PTPRD: variants seen among roughly 807,000 people sequenced by gnomAD.
The protein encoded by PTPRD is receptor-type tyrosine-protein phosphatase delta.
A neutral mutation model predicts 214.5 loss-of-function variants in PTPRD; 34 were observed. The observed-to-expected ratio is 0.16, with a 90% CI of 0.12 to 0.21. PTPRD has a LOEUF of 0.21. PTPRD is among the 10% of genes least tolerant of loss of function. PTPRD has a pLI of 1.00. For synonymous variants in PTPRD, 1,128 were observed against 845.7 expected (o/e 1.33, Z -5.79); for missense variants, 2,545 against 2,398.7 (o/e 1.06, Z -1.27).
chr9:9,343,100 T>C (rs1408184319), intron 9 of PTPRD, among the ~76,000 whole-genome samples: 1 of 152,218 alleles, frequency 6.6e-6, no homozygotes, highest in Non-Finnish European at 1.5e-5. Context: ...CCATGATGTA[T>C]ATGTGCCACA....
chr9:9,298,056 C>A (rs961093653), intron 9 of PTPRD, among the ~76,000 whole-genome samples: 2 of 151,550 alleles, frequency 1.3e-5, no homozygotes, highest in African/African-American at 4.8e-5. Context: ...ATGTGAGAGA[C>A]AATGGATGGG....
intron 9 of PTPRD, among the ~76,000 whole-genome samples, chr9:9,263,414 T>A (rs754510106): frequency 2.6e-5 from 4 of 151,716 alleles, no homozygotes; most frequent in Non-Finnish European, 5.9e-5. Context: ...TGAACGATGA[T>A]AGTACATTTC....
intron 5 of PTPRD, among the ~76,000 whole-genome samples, chr9:9,774,836 G>T (rs1463934320): frequency 6.6e-6 from 1 of 152,168 alleles, no homozygotes. Flanking sequence ...CTCCAGGAGG[G>T]TTAATCGTTA....
intron 14 of PTPRD, among the ~76,000 whole-genome samples, chr9:8,557,819 C>A (rs992258244): frequency 6.9e-6 from 1 of 145,600 alleles, no homozygotes; most frequent in Non-Finnish European, 1.5e-5. Flanking sequence ...TATATACACA[C>A]ACACATATGC....
chr9:10,262,178 A>G (rs1202915735), intron 3 of PTPRD, among the ~76,000 whole-genome samples: 2 of 152,042 alleles, frequency 1.3e-5, no homozygotes, highest in African/African-American at 4.8e-5. Context: ...AAATTAAAAG[A>G]AAAATTAAAA....
intron 3 of PTPRD, among the ~76,000 whole-genome samples, chr9:10,070,014 A>C (rs1316607354): frequency 2.0e-5 from 3 of 152,000 alleles, no homozygotes; most frequent in Admixed American, 6.6e-5. Flanking sequence ...TTGGGGTGAA[A>C]CCAAGACCTA....
At chr9:8,477,619 C>T (rs2096791271) in intron 30 of PTPRD, among the ~76,000 whole-genome samples, 1 of 152,156 alleles carries the variant, frequency 6.6e-6, no homozygotes. Context: ...GCGTAAGCCT[C>T]CTGGCTTTAC....
intron 9 of PTPRD, among the ~76,000 whole-genome samples, chr9:9,382,420 C>T (rs1295479534): frequency 1.3e-5 from 2 of 151,898 alleles, no homozygotes; most frequent in African/African-American, 4.8e-5. Context: ...TGTTTGCAAA[C>T]CATATATATG....
intron 2 of PTPRD, among the ~76,000 whole-genome samples, chr9:10,545,153 G>A (rs2059926703): frequency 6.6e-6 from 1 of 152,184 alleles, no homozygotes; most frequent in South Asian, 2.1e-4. Flanking sequence ...GGTTTCTATG[G>A]AGCCCCTCTT....
chr9:8,335,498 T>G (rs7854665), intron 43 of PTPRD, among the ~76,000 whole-genome samples: 21,513 of 152,068 alleles, frequency 0.14, 1,962 homozygotes, highest in East Asian at 0.35. Context: ...TATCTCAAAA[T>G]AAGAAGAGCT....
At chr9:8,426,452 G>A (rs1050765124) in intron 35 of PTPRD, among the ~76,000 whole-genome samples, 1 of 152,174 alleles carries the variant, frequency 6.6e-6, no homozygotes, top group Non-Finnish European at 1.5e-5. Flanking sequence ...TCAATAAAGA[G>A]TGTCTTTTTT....
chr9:10,091,837 A>G (rs967840447), intron 3 of PTPRD, among the ~76,000 whole-genome samples: 1 of 151,466 alleles, frequency 6.6e-6, no homozygotes, highest in African/African-American at 2.4e-5. Flanking sequence ...ATCATCATTA[A>G]GAAACAAGTT....
intron 3 of PTPRD, among the ~76,000 whole-genome samples, chr9:10,135,363 C>CA (rs1364665101): frequency 6.6e-6 from 1 of 151,986 alleles, no homozygotes. Flanking sequence ...TATGCAAATT[C>CA]AAAAAATACA....
At chr9:8,951,320 CTT>C (rs35028756) in intron 11 of PTPRD, among the ~76,000 whole-genome samples, 124 of 128,352 alleles carry the variant, frequency 9.7e-4, no homozygotes, top group South Asian at 2.9e-3. Context: ...CTGGATCCTC[CTT>C]TTTTTTTTTT....
rs1438326808 is a variant in PTPRD, at chr9:10,178,486, C to T, written c.-544-144696G>A. On this transcript the variant is annotated intron_variant, in intron 3 of 45. Transcript: ENST00000381196. ...GTAGGAAAGGATAAAAATATTTGAA[C>T]GCCTTCCAGGTGATAAAAGAGAAAA... Among the ~76,000 whole-genome samples the T allele has an allele frequency of 5.9e-5, 9 of 151,922 alleles. No individual in the cohort carries two copies. The South Asian group carries it at 1.2e-3, about 21-fold the overall frequency.
At chr9:8,965,610 T>A (rs1331455310) in intron 11 of PTPRD, among the ~76,000 whole-genome samples, 1 of 152,100 alleles carries the variant, frequency 6.6e-6, no homozygotes, top group Admixed American at 6.6e-5. Context: ...CTTTTTGCTG[T>A]TGTTGGTTTA....
chr9:8,884,657 A>G (rs373558034), intron 11 of PTPRD, among the ~76,000 whole-genome samples: 49 of 152,338 alleles, frequency 3.2e-4, no homozygotes, highest in African/African-American at 1.2e-3. Context: ...CTTCTGAAAG[A>G]TAGTAAGCAA....
At chr9:10,163,534 C>T (rs1235429950) in intron 3 of PTPRD, among the ~76,000 whole-genome samples, 1 of 151,410 alleles carries the variant, frequency 6.6e-6, no homozygotes, top group Non-Finnish European at 1.5e-5. Flanking sequence ...GTTATTTTTA[C>T]ATACTAAAAC....
intron 3 of PTPRD, among the ~76,000 whole-genome samples, chr9:10,207,261 C>T (rs952413704): frequency 2.3e-5 from 3 of 128,762 alleles, no homozygotes; most frequent in African/African-American, 6.6e-5. Flanking sequence ...ATAGATAATG[C>T]ATTTTTTTGT....
Sources: allele counts gnomAD v4.1 joint callset (sites outside exome capture counted in the v4.1 genomes callset), GRCh38; gene constraint gnomAD v4.1.1; transcripts MANE v1.5; gene names NCBI Gene and HGNC (gene_info 2026-07-23, HGNC 2026-07-21).